TRIM62: variants seen among roughly 807,000 people sequenced by gnomAD.
The protein encoded by TRIM62 is tripartite motif containing 62, also known as E3 ubiquitin-protein ligase TRIM62.
TRIM62 carries 39 observed loss-of-function variants against 44.2 expected under a neutral mutation model. The observed-to-expected ratio is 0.88, with a 90% CI of 0.68 to 1.15. The LOEUF is 1.15. Among genes scored for constraint, TRIM62 ranks in the 50% most tolerant of loss-of-function variants. The pLI, the probability that TRIM62 is intolerant of heterozygous loss-of-function variation, is 0.00. For missense variants in TRIM62, 544 were observed against 665.5 expected (o/e 0.82, Z 2.01); for synonymous variants, 278 against 292.3 (o/e 0.95, Z 0.50).
intron 4 of TRIM62, among the ~76,000 whole-genome samples, chr1:33,151,461 C>T (rs1645097115): frequency 6.6e-6 from 1 of 152,108 alleles, no homozygotes; most frequent in African/African-American, 2.4e-5. Flanking sequence ...GGCTCCCTCC[C>T]CGAGGCTAGG....
rs143505008 is a variant in TRIM62, at chr1:33,178,567, G to A, written c.408+2458C>T. The stretch of plus-strand genomic sequence containing the variant: ...GGTGGGCTGTATGTTATTCCAGCCC[G>A]TACTGTGTGCCTTTGAACCTCAAAT... On this transcript the variant is annotated intron_variant, in intron 1 of 4. Coordinates refer to ENST00000291416, the MANE Select transcript of TRIM62 (RefSeq NM_018207.3). 1.0e-3 allele frequency among the ~76,000 whole-genome samples: 154 copies of A among 152,320 alleles called. 2 individuals carry two copies. Among genetic ancestry groups the A allele is most frequent in the African/African-American group, 3.5e-3 (144 of 41,560 alleles).
chr1:33,179,824 A>G (rs988785545), intron 1 of TRIM62, among the ~76,000 whole-genome samples: 1 of 152,226 alleles, frequency 6.6e-6, no homozygotes, highest in African/African-American at 2.4e-5. Context: ...CTTGGGAACC[A>G]TTTTATTAAA....
In TRIM62 at chr1:33,165,591, G is replaced by T. The variant is rs781113033; in HGVS notation, c.409-25C>A. The T allele has an allele frequency of 6.3e-7, 1 of 1,581,790 alleles. No individual in the cohort carries two copies. The highest frequency in any genetic ancestry group is 1.1e-5 in the South Asian group (1 of 87,026). ...TCTGAAACACACACAGGGCCGGGAT[G>T]GGGGCAGGGGCCATGCCTGGCCCAG... On this transcript the variant is annotated intron_variant, in intron 1 of 4. Coordinates refer to ENST00000291416, the MANE Select transcript of TRIM62 (RefSeq NM_018207.3). The surrounding 1 kb of genome is among the most constrained non-coding windows in gnomAD (Gnocchi z 4.0).
intron 1 of TRIM62, among the ~76,000 whole-genome samples, chr1:33,171,602 A>G (rs1045719809): frequency 2.6e-5 from 4 of 152,144 alleles, no homozygotes; most frequent in Non-Finnish European, 4.4e-5. Flanking sequence ...GGGCCTATAC[A>G]TGGTCCTTGA....
intron 1 of TRIM62, among the ~76,000 whole-genome samples, chr1:33,174,634 C>T (rs577943631): frequency 1.3e-5 from 2 of 152,288 alleles, no homozygotes; most frequent in South Asian, 2.1e-4. Context: ...TGAACCCAGT[C>T]CGTGGAACAA....
intron 1 of TRIM62, among the ~76,000 whole-genome samples, chr1:33,171,299 G>T (rs762722110): frequency 5.3e-5 from 8 of 152,234 alleles, no homozygotes; most frequent in Non-Finnish European, 1.0e-4. Flanking sequence ...GGAGGCGGAT[G>T]TGGTTTGGGT....
intron 1 of TRIM62, among the ~76,000 whole-genome samples, chr1:33,178,696 C>A (rs1056332023): frequency 6.6e-6 from 1 of 152,228 alleles, no homozygotes; most frequent in African/African-American, 2.4e-5. Flanking sequence ...AGTGACTCAC[C>A]AAGGTGCACA....
intron 4 of TRIM62, among the ~76,000 whole-genome samples, chr1:33,152,680 C>T (rs1187020596): frequency 6.6e-6 from 1 of 151,802 alleles, no homozygotes; most frequent in African/African-American, 2.4e-5. Flanking sequence ...ATCATTATTA[C>T]AAACAAATAA....
chr1:33,165,424 T>G lies in TRIM62; in HGVS notation c.504+47A>C. 7.1e-7 allele frequency: 1 copy of G among 1,413,196 alleles called. No homozygotes were observed. Among genetic ancestry groups the G allele is most frequent in the Non-Finnish European group, 9.7e-7 (1 of 1,032,358 alleles). The allele number at this position is 1,413,196 out of a possible 1,614,324, so 87.5% of individuals were successfully genotyped here. ...CAGCTGGCCCCGCCCCTCGAAGCCC[T>G]GCCCTCATCTCTGCCGGCCCCACCT... On this transcript the variant is annotated intron_variant, in intron 2 of 4. Transcript: ENST00000291416. The surrounding 1 kb of genome is among the most constrained non-coding windows in gnomAD (Gnocchi z 4.0).
In TRIM62 at chr1:33,167,843, A is replaced by AAAATTATC. The variant is rs1388386594; in HGVS notation, c.409-2285_409-2278dup. On this transcript the variant is annotated intron_variant, in intron 1 of 4. Coordinates refer to ENST00000291416, the MANE Select transcript of TRIM62 (RefSeq NM_018207.3). This position sits in a 1 kb window ranked among gnomAD's most constrained non-coding sequence, Gnocchi z 4.2. ...ATGCTGATGGAAGAATGCAGGAAAC[A>AAAATTATC]AAATTATCTTTGATTACTATCAATT... Among the ~76,000 whole-genome samples, 1 of 152,374 alleles carries AAAATTATC rather than the reference A, an allele frequency of 6.6e-6. No homozygotes were observed. The highest frequency in any genetic ancestry group is 1.9e-4 in the East Asian group (1 of 5,188).
At chr1:33,162,047 T>A (rs1645275778) in intron 2 of TRIM62, among the ~76,000 whole-genome samples, 1 of 152,178 alleles carries the variant, frequency 6.6e-6, no homozygotes, top group South Asian at 2.1e-4. Context: ...AACACATCCC[T>A]CTGGGGTCCC....
chr1:33,177,668 C>A lies in TRIM62; in HGVS notation c.408+3357G>T, dbSNP rs564670832. 4.6e-5 allele frequency among the ~76,000 whole-genome samples: 7 copies of A among 152,164 alleles called. No homozygotes were observed. In the South Asian group the frequency reaches 1.2e-3, roughly 27 times the overall value. ...AGATGGTTTTGATTGTCACAACTTG[C>A]GGGGTGGGTGGAGTTTGCTACTGGC... On this transcript the variant is annotated intron_variant, in intron 1 of 4. Transcript: ENST00000291416. The surrounding 1 kb of genome is among the most constrained non-coding windows in gnomAD (Gnocchi z 4.1).
chr1:33,162,868 C>T (rs1248542628), intron 2 of TRIM62: 2 of 152,246 alleles, frequency 1.3e-5, no homozygotes, highest in African/African-American at 4.8e-5. Flanking sequence ...GCACTGGGCT[C>T]TGACAGGACT....
In TRIM62 at chr1:33,165,805, T is replaced by G; in HGVS notation, c.409-239A>C. 6 of 355,838 alleles carry G rather than the reference T, an allele frequency of 1.7e-5. No individual in the cohort carries two copies. Among genetic ancestry groups the G allele is most frequent in the East Asian group, 1.3e-4 (3 of 22,596 alleles). The allele number at this position is 355,838 out of a possible 1,614,324, so 22.0% of individuals were successfully genotyped here. A position where few individuals can be genotyped will look rare whatever the true frequency, so the allele number is the denominator to read the frequency against. ...ACAACCTCCTCCTCTTTGGCCACCCTAGAGGCTTCTGTGACAATCGACTTC... is the reference window on the plus strand; with the variant it reads ...ACAACCTCCTCCTCTTTGGCCACCCGAGAGGCTTCTGTGACAATCGACTTC... On this transcript the variant is annotated intron_variant, in intron 1 of 4. Transcript: ENST00000291416. This position sits in a 1 kb window ranked among gnomAD's most constrained non-coding sequence, Gnocchi z 4.0.
chr1:33,178,819 A>G (rs1299462805), intron 1 of TRIM62, among the ~76,000 whole-genome samples: 2 of 152,244 alleles, frequency 1.3e-5, no homozygotes, highest in South Asian at 2.1e-4. Context: ...AAGCATTTCA[A>G]TAATATTTGT....
intron 1 of TRIM62, among the ~76,000 whole-genome samples, chr1:33,176,961 TC>T (rs1645424270): frequency 6.6e-6 from 1 of 152,152 alleles, no homozygotes; most frequent in African/African-American, 2.4e-5. Context: ...GGAAATGGGC[TC>T]CTTCCCTCCA....
Position 33,165,698 on chromosome 1 carries a change from G to T in TRIM62, c.409-132C>A. The stretch of plus-strand genomic sequence containing the variant: ...CCTCCAACACTTGCCTCCCGTCACA[G>T]TTCAACCACCAGCAAGTCCTGTAGA... On this transcript the variant is annotated intron_variant, in intron 1 of 4. Transcript: ENST00000291416. The surrounding 1 kb of genome is among the most constrained non-coding windows in gnomAD (Gnocchi z 4.0). 1.5e-6 allele frequency: 1 copy of T among 668,360 alleles called. No homozygotes were observed. The highest frequency in any genetic ancestry group is 2.4e-6 in the Non-Finnish European group (1 of 422,348). The allele number at this position is 668,360 out of a possible 1,614,324, so 41.4% of individuals were successfully genotyped here. A position where few individuals can be genotyped will look rare whatever the true frequency, so the allele number is the denominator to read the frequency against.
intron 1 of TRIM62, among the ~76,000 whole-genome samples, chr1:33,170,817 A>C (rs576724129): frequency 6.6e-6 from 1 of 152,120 alleles, no homozygotes; most frequent in Non-Finnish European, 1.5e-5. Flanking sequence ...TCTGTGCCCC[A>C]GTGCCTTGTC....
rs772321457 is a variant in TRIM62 at position 33,147,685 on chromosome 1, C to T, written c.920G>A (p.Arg307His). 6.2e-6 allele frequency: 10 copies of T among 1,613,360 alleles called. No homozygotes were observed. Among genetic ancestry groups the T allele is most frequent in the African/African-American group, 1.3e-5 (1 of 74,906 alleles). ...GGTGCAGTCGTCCGACAGGATCAGG[C>T]GCTGGTGGGCTGTGCCCGGGTCCAG... ...LTLDPGTAHQ[R>H]LILSDDCTIV... The change falls in exon 5 of 5, where the codon CGC becomes CAC. Residue 307 changes from arginine (R) to histidine (H), a missense_variant. Arg to His is a conservative substitution (Grantham distance 29). Coordinates refer to ENST00000291416, the MANE Select transcript of TRIM62 (RefSeq NM_018207.3). The surrounding 1 kb of genome is among the most constrained non-coding windows in gnomAD (Gnocchi z 8.1).
Sources: gnomAD v4.1 joint callset for allele counts (sites outside exome capture counted in the v4.1 genomes callset) on GRCh38, gnomAD v4.1.1 for gene constraint, Gnocchi (gnomAD v3.1) non-coding constraint, MANE v1.5 for transcripts, NCBI Gene and HGNC (gene_info 2026-07-23, HGNC 2026-07-21) for gene names.